Variants in WDR48 observed in about 807,000 individuals in gnomAD.
The protein encoded by WDR48 is WD repeat domain 48.
WDR48 carries 22 observed loss-of-function variants against 94.0 expected under a neutral mutation model. The observed-to-expected ratio is 0.23, with a 90% CI of 0.17 to 0.33. The LOEUF (loss-of-function observed/expected upper bound fraction) is 0.33, where lower values mean the gene tolerates loss of function less well. WDR48 is among the 10% of genes least tolerant of loss of function. The probability of loss-of-function intolerance (pLI) is 1.00; values close to 1 mark genes in which losing one functional copy is unlikely to be tolerated. For missense variants in WDR48, 541 were observed against 813.8 expected (o/e 0.66, Z 4.08); for synonymous variants, 278 against 280.5 (o/e 0.99, Z 0.09).
At chr3:39,066,013 T>C in intron 3 of WDR48, 124 bp downstream of exon 3, 2 of 621,806 alleles carry the variant, frequency 3.2e-6, no homozygotes, top group Non-Finnish European at 5.1e-6. Context: ...CAACACAATT[T>C]TAGAAAGTGA....
chr3:39,079,691 G>A lies in WDR48; in HGVS notation c.1076-20G>A, dbSNP rs200584319. On this transcript the variant is annotated intron_variant, in intron 10 of 18. Coordinates refer to ENST00000302313, the MANE Select transcript of WDR48 (RefSeq NM_020839.4). ...ATGTAGAAAGATTGTTTTACCAATTGTGTTTTTTTTTCCCATTAGGGGGTG... is the reference window on the plus strand; with the variant it reads ...ATGTAGAAAGATTGTTTTACCAATTATGTTTTTTTTTCCCATTAGGGGGTG... 1.4e-6 allele frequency: 2 copies of A among 1,469,918 alleles called. No individual in the cohort carries two copies. Among genetic ancestry groups the A allele is most frequent in the Non-Finnish European group, 1.8e-6 (2 of 1,090,036 alleles). The allele number at this position is 1,469,918 out of a possible 1,614,324, so 91.1% of individuals were successfully genotyped here.
intron 8 of WDR48, among the ~76,000 whole-genome samples, chr3:39,076,555 A>G (rs2034233896): frequency 6.6e-6 from 1 of 152,212 alleles, no homozygotes; most frequent in Non-Finnish European, 1.5e-5. Flanking sequence ...CATCACTGCA[A>G]ACCTGCGGTT....
At chr3:39,064,591 A>T (rs2033482843) in intron 2 of WDR48, among the ~76,000 whole-genome samples, 1 of 152,130 alleles carries the variant, frequency 6.6e-6, no homozygotes, top group African/African-American at 2.4e-5. Context: ...ATTTTCATAG[A>T]TGAGAAAATG....
At chr3:39,070,133 G>T (rs1055964566) in intron 7 of WDR48, among the ~76,000 whole-genome samples, 3 of 152,202 alleles carry the variant, frequency 2.0e-5, no homozygotes, top group African/African-American at 7.2e-5. Context: ...AGTTGACTAT[G>T]TAGATATAGT....
chr3:39,074,542 C>G (rs1317237589), intron 7 of WDR48, among the ~76,000 whole-genome samples, 184 bp from the exon 8 acceptor site: 2 of 152,152 alleles, frequency 1.3e-5, no homozygotes, highest in African/African-American at 4.8e-5. Flanking sequence ...GGAATTTTCC[C>G]AAAATTACAT....
chr3:39,079,866 T>C, intron 11 of WDR48, 58 bp downstream of exon 11: 10 of 965,212 alleles, frequency 1.0e-5, no homozygotes, highest in Non-Finnish European at 1.5e-5. Context: ...CCTTTATTTT[T>C]TATTTTTTGT....
intron 17 of WDR48, among the ~76,000 whole-genome samples, chr3:39,092,786 G>A (rs145765558): frequency 1.3e-5 from 2 of 151,908 alleles, no homozygotes; most frequent in African/African-American, 2.4e-5. Context: ...AGCCCCCATC[G>A]TCCCATCAGA....
chr3:39,057,838 G>A (rs1286948183), intron 1 of WDR48, among the ~76,000 whole-genome samples: 1 of 152,126 alleles, frequency 6.6e-6, no homozygotes, highest in African/African-American at 2.4e-5. Flanking sequence ...GGCCAGGATG[G>A]TCTTGATCTC....
At chr3:39,053,631 G>A (rs746085121) in intron 1 of WDR48, among the ~76,000 whole-genome samples, 3 of 152,052 alleles carry the variant, frequency 2.0e-5, no homozygotes, top group Non-Finnish European at 4.4e-5. Context: ...TAGTTAATCA[G>A]GCCTTTCAGT....
intron 1 of WDR48, among the ~76,000 whole-genome samples, chr3:39,055,466 CAG>C (rs1333654226): frequency 1.3e-5 from 2 of 152,136 alleles, no homozygotes; most frequent in African/African-American, 4.8e-5. Flanking sequence ...GCCTGGGTGA[CAG>C]AGCGAGACTC....
intron 1 of WDR48, among the ~76,000 whole-genome samples, chr3:39,055,314 C>T (rs1490120348): frequency 1.3e-5 from 2 of 152,094 alleles, no homozygotes; most frequent in Non-Finnish European, 2.9e-5. Context: ...TGGCGAAATC[C>T]CGTCTCTACT....
At chr3:39,068,252 A>G (rs551815136) in intron 5 of WDR48, among the ~76,000 whole-genome samples, 2 of 152,334 alleles carry the variant, frequency 1.3e-5, no homozygotes, top group South Asian at 4.1e-4. Context: ...ACAGTTTCAT[A>G]TACATCTTTT....
At chr3:39,074,683 G>A in intron 7 of WDR48, 43 bp from the exon 8 acceptor site, 1 of 1,604,012 alleles carries the variant, frequency 6.2e-7, no homozygotes, top group Non-Finnish European at 8.5e-7. Context: ...AAGAAAGCAG[G>A]AACTTTGTGG....
intron 17 of WDR48, among the ~76,000 whole-genome samples, chr3:39,092,056 G>C (rs1281478186): frequency 1.3e-5 from 2 of 152,212 alleles, no homozygotes; most frequent in African/African-American, 4.8e-5. Flanking sequence ...GCACACGCTT[G>C]TAGTCCAAGC....
rs1324631113 is a variant in WDR48 at position 39,095,594 on chromosome 3, C to G, written c.*851C>G. The G allele has an allele frequency of 6.6e-6, 1 of 152,196 alleles. No homozygotes were observed. Among genetic ancestry groups the G allele is most frequent in the African/African-American group, 2.4e-5 (1 of 41,438 alleles). The allele number at this position is 152,196 out of a possible 1,614,324, so 9.4% of individuals were successfully genotyped here. A position where few individuals can be genotyped will look rare whatever the true frequency, so the allele number is the denominator to read the frequency against. On this transcript the variant is annotated 3_prime_UTR_variant, in exon 19 of 19. Coordinates refer to ENST00000302313, the MANE Select transcript of WDR48 (RefSeq NM_020839.4). ...GCATGACACCATCAAAATTTAAGAC[C>G]ATGATGAAATTTCAGTTTCATTCAA...
chr3:39,053,016 T>G (rs1387331129), intron 1 of WDR48, among the ~76,000 whole-genome samples: 1 of 152,200 alleles, frequency 6.6e-6, no homozygotes, highest in East Asian at 1.9e-4. Flanking sequence ...GAACTTAAAG[T>G]ATAATAATAA....
intron 10 of WDR48, among the ~76,000 whole-genome samples, chr3:39,078,847 G>A (rs984299598): frequency 4.0e-5 from 6 of 151,764 alleles, no homozygotes; most frequent in East Asian, 2.0e-4. Flanking sequence ...CGGCTAAAAC[G>A]GTGAAACCCC....
chr3:39,055,224 T>A (rs2032793722), intron 1 of WDR48, among the ~76,000 whole-genome samples: 1 of 152,184 alleles, frequency 6.6e-6, no homozygotes. Context: ...TGGTGGCTCA[T>A]GCCTGTAATC....
chr3:39,069,038 C>G (rs1425943156), intron 6 of WDR48, among the ~76,000 whole-genome samples, 179 bp downstream of exon 6: 1 of 152,194 alleles, frequency 6.6e-6, no homozygotes, highest in African/African-American at 2.4e-5. Flanking sequence ...CTCACTGCAG[C>G]CTTGACTGCT....
Sources: allele counts gnomAD v4.1 joint callset (sites outside exome capture counted in the v4.1 genomes callset), GRCh38; gene constraint gnomAD v4.1.1; transcripts MANE v1.5; gene names NCBI Gene and HGNC (gene_info 2026-07-23, HGNC 2026-07-21).